The following GGNBP2 variants were observed in gnomAD, a reference collection of about 807,000 sequenced individuals.
GGNBP2 encodes gametogenetin binding protein 2.
GGNBP2 carries 10 observed loss-of-function variants against 85.9 expected under a neutral mutation model. That is an observed-to-expected ratio of 0.12 (90% CI 0.07 to 0.20). The LOEUF (loss-of-function observed/expected upper bound fraction) is 0.20. Among genes scored for constraint, GGNBP2 ranks in the 10% least tolerant of loss-of-function variants. GGNBP2 has a pLI of 1.00. For missense variants in GGNBP2, 595 were observed against 857.8 expected, an observed-to-expected ratio of 0.69 and a Z score of 3.83; for synonymous variants, 287 against 285.7, an observed-to-expected ratio of 1.00 and a Z score of -0.05.
intron 3 of GGNBP2, 44 bp downstream of exon 3, chr17:36,554,944 T>C (rs755288300): frequency 1.4e-5 from 16 of 1,131,222 alleles, no homozygotes; most frequent in Non-Finnish European, 1.7e-5. Context: ...GTATGTGTAT[T>C]TTAAAGACTC....
At chr17:36,570,992 C>T (rs2074518445) in intron 6 of GGNBP2, among the ~76,000 whole-genome samples, 1 of 152,134 alleles carries the variant, frequency 6.6e-6, no homozygotes, top group African/African-American at 2.4e-5. Context: ...TGCACTCAAG[C>T]CTGGGTGACA....
intron 13 of GGNBP2, 27 bp from the exon 14 acceptor site, chr17:36,589,181 A>T (rs2142798784): frequency 2.0e-6 from 3 of 1,511,260 alleles, no homozygotes; most frequent in Non-Finnish European, 2.8e-6. Flanking sequence ...CTTAAGTCAT[A>T]GTCTTAACTA....
intron 4 of GGNBP2, among the ~76,000 whole-genome samples, chr17:36,560,558 A>G (rs920487289): frequency 3.9e-5 from 6 of 152,194 alleles, no homozygotes; most frequent in Non-Finnish European, 2.9e-5. Flanking sequence ...GTGTATTTAC[A>G]TAATGGCTGG....
intron 6 of GGNBP2, chr17:36,574,776 C>A: frequency 1.6e-6 from 1 of 644,982 alleles, no homozygotes; most frequent in South Asian, 1.7e-5. Context: ...AGCACAGAGC[C>A]GTGGTGGCCT....
intron 9 of GGNBP2, among the ~76,000 whole-genome samples, chr17:36,584,946 C>T (rs34758451): frequency 0.31 from 44,698 of 144,328 alleles, 8,186 homozygotes; most frequent in Non-Finnish European, 0.41. Flanking sequence ...AGAGGGAGAC[C>T]GTACTCAAAA....
At chr17:36,575,635 TATATATATATATA>T (rs1197559494) in intron 6 of GGNBP2, among the ~76,000 whole-genome samples, 42 of 53,846 alleles carry the variant, frequency 7.8e-4, no homozygotes, top group African/African-American at 3.0e-3. Flanking sequence ...TATATATATA[TATATATATATATA>T]TTTTTTTTTT....
chr17:36,565,264 A>G (rs1201628120), intron 5 of GGNBP2, among the ~76,000 whole-genome samples: 1 of 152,228 alleles, frequency 6.6e-6, no homozygotes, highest in Non-Finnish European at 1.5e-5. Flanking sequence ...GGTTGCAATG[A>G]TTGAAAAGTG....
intron 5 of GGNBP2, among the ~76,000 whole-genome samples, chr17:36,563,813 G>A (rs1016579834): frequency 1.3e-5 from 2 of 149,356 alleles, no homozygotes; most frequent in Non-Finnish European, 1.5e-5. Flanking sequence ...GCGCGATCTC[G>A]GCTCACTGCA....
rs1442541329 is a variant in GGNBP2, at chr17:36,545,687, AGGAGGT to A, written c.-35_-30del. The A allele has an allele frequency of 1.4e-6, 2 of 1,475,128 alleles. No individual in the cohort carries two copies. The highest frequency in any genetic ancestry group is 1.9e-6 in the Non-Finnish European group (2 of 1,078,906). 91.4% of individuals were successfully genotyped at this position (1,475,128 alleles called of 1,614,324 possible). On this transcript the variant is annotated 5_prime_UTR_variant, in exon 2 of 14. Transcript: ENST00000613102. ...AGCGGCGGCGGCGGCGGCAGCTGGG[AGGAGGT>A]GGTGACGGTGGCAACGGCAGCGTCG...
rs2074735175 is a variant in GGNBP2 at position 36,589,355 on chromosome 17, A to C, written c.2038A>C (p.Asn680His). ...GAAATTTAATAAATACTGCCGGTTA[A>C]ATGATCACAAGAGGCCCATTTGTAG... ...KEKFNKYCRL[N>H]DHKRPICSGW... Residue 680 changes from asparagine (N) to histidine (H), a missense_variant, in exon 14 of 14, where the codon AAT (asparagine) becomes CAT (histidine). Physicochemically the swap from Asn to His is moderately conservative, Grantham distance 68. Transcript: ENST00000613102. 1 of 1,614,092 alleles carries C rather than the reference A, an allele frequency of 6.2e-7. No homozygotes were observed. The highest frequency in any genetic ancestry group is 8.5e-7 in the Non-Finnish European group (1 of 1,179,964).
At chr17:36,562,513 C>CT (rs1567822667) in intron 5 of GGNBP2, among the ~76,000 whole-genome samples, 2 of 149,904 alleles carry the variant, frequency 1.3e-5, no homozygotes, top group Admixed American at 6.7e-5. Context: ...TCATTGTCAC[C>CT]TTTTTTTGAT....
intron 2 of GGNBP2, among the ~76,000 whole-genome samples, chr17:36,552,690 T>C (rs1172853540): frequency 3.3e-5 from 5 of 152,178 alleles, no homozygotes; most frequent in African/African-American, 1.2e-4. Context: ...ACATTTCATC[T>C]GTATGCATGG....
chr17:36,588,121 C>T (rs114317208), intron 13 of GGNBP2, among the ~76,000 whole-genome samples: 3,969 of 152,214 alleles, frequency 0.026, 156 homozygotes, highest in African/African-American at 0.089. Flanking sequence ...GGTAAGACTC[C>T]AGTCCTGAGA....
chr17:36,584,452 C>T (rs922871016), intron 9 of GGNBP2, among the ~76,000 whole-genome samples: 3 of 152,220 alleles, frequency 2.0e-5, no homozygotes, highest in African/African-American at 7.2e-5. Flanking sequence ...ATTCTCCTGC[C>T]TCAGCCTCCT....
At chr17:36,575,613 CATATATATATATATATATATATAT>C (rs776677029) in intron 6 of GGNBP2, among the ~76,000 whole-genome samples, 2 of 66,948 alleles carry the variant, frequency 3.0e-5, no homozygotes, top group African/African-American at 1.8e-4. Flanking sequence ...TCTAATGTAA[CATATATATATATATATATATATAT>C]ATATATATAT....
chr17:36,572,180 T>C (rs2074532380), intron 6 of GGNBP2, among the ~76,000 whole-genome samples: 3 of 152,162 alleles, frequency 2.0e-5, no homozygotes, highest in Admixed American at 6.5e-5. Flanking sequence ...ATCAAACATA[T>C]ATTAAACTAC....
chr17:36,575,676 C>T (rs1478050320), intron 6 of GGNBP2, among the ~76,000 whole-genome samples: 5 of 90,470 alleles, frequency 5.5e-5, no homozygotes, highest in East Asian at 3.5e-4. Flanking sequence ...GATGGAGTTT[C>T]GCTCTTCTTA....
At chr17:36,569,270 G>C (rs2074499064) in intron 6 of GGNBP2, among the ~76,000 whole-genome samples, 1 of 152,118 alleles carries the variant, frequency 6.6e-6, no homozygotes, top group African/African-American at 2.4e-5. Flanking sequence ...AAATTAGCCA[G>C]GCATGGTGGC....
chr17:36,577,347 A>G (rs2074601614), intron 6 of GGNBP2: 1 of 152,358 alleles, frequency 6.6e-6, no homozygotes, highest in Non-Finnish European at 1.5e-5. Flanking sequence ...GTTTCCATGT[A>G]TATTTTGTCT....
Sources: gnomAD v4.1 joint callset for allele counts (sites outside exome capture counted in the v4.1 genomes callset) on GRCh38, gnomAD v4.1.1 for gene constraint, MANE v1.5 for transcripts, NCBI Gene and HGNC (gene_info 2026-07-23, HGNC 2026-07-21) for gene names.